MYH9: variants seen among roughly 807,000 people sequenced by gnomAD.
MYH9 encodes myosin-9.
A neutral mutation model predicts 241.9 loss-of-function variants in MYH9; 29 were observed. The ratio of observed to expected loss-of-function variants is 0.12; its 90% CI spans 0.09 to 0.16. MYH9 has a LOEUF of 0.16. MYH9 is among the 10% of genes least tolerant of loss of function. The pLI, the probability that MYH9 is intolerant of heterozygous loss-of-function variation, is 1.00. For missense variants in MYH9, 1,803 were observed against 2,595.5 expected (o/e 0.69, Z 6.63); for synonymous variants, 1,047 against 1,062.6 (o/e 0.99, Z 0.29).
Position 36,300,975 on chromosome 22 carries a change from C to A in MYH9, c.2714G>T (p.Arg905Leu). 7 of 1,611,686 alleles carry A rather than the reference C, an allele frequency of 4.3e-6. No homozygotes were observed. Among genetic ancestry groups the A allele is most frequent in the Non-Finnish European group, 5.1e-6 (6 of 1,180,008 alleles). ...TAATTCCTGCTTCTTGGCGGTCAGG[C>A]GGGCCCGGAGCTCCTCAGCCTCGGC... ...LCAEAEELRA[R>L]LTAKKQELEE... The change falls in exon 22 of 41, where the codon CGC (arginine) becomes CTC (leucine). Residue 905 changes from arginine to leucine, a missense_variant. Physicochemically the swap from Arg to Leu is moderately radical, Grantham distance 102. This residue lies in a region of MYH9 where 290 missense variants were observed against 360.5 expected (regional missense o/e 0.80). Transcript: ENST00000216181. This position sits in a 1 kb window ranked among gnomAD's most constrained non-coding sequence, Gnocchi z 5.0.
chr22:36,353,102 C>CGT (rs71323001), intron 1 of MYH9, among the ~76,000 whole-genome samples: 5,638 of 142,882 alleles, frequency 0.039, 152 homozygotes, highest in Non-Finnish European at 0.05. Flanking sequence ...CCTCTGGGGG[C>CGT]GTGTGTGTGT....
chr22:36,322,594 G>A (rs1248517320), intron 5 of MYH9, 73 bp from the exon 6 acceptor site: 3 of 1,451,258 alleles, frequency 2.1e-6, no homozygotes, highest in Non-Finnish European at 2.9e-6. Context: ...GCCTGGAAGG[G>A]GGACGATGGC....
chr22:36,372,599 G>GT (rs1201341010), intron 1 of MYH9, among the ~76,000 whole-genome samples: 1 of 152,014 alleles, frequency 6.6e-6, no homozygotes. Context: ...ATTAAGGACT[G>GT]TGACAGAGCT....
intron 3 of MYH9, among the ~76,000 whole-genome samples, chr22:36,328,581 G>C (rs1047001044): frequency 6.6e-6 from 1 of 152,218 alleles, no homozygotes; most frequent in Non-Finnish European, 1.5e-5. Context: ...TGCAGGATTA[G>C]TTTGAAAAAT....
chr22:36,284,014 T>C, intron 40 of MYH9, 79 bp downstream of exon 40: 4 of 1,565,466 alleles, frequency 2.6e-6, no homozygotes, highest in Non-Finnish European at 3.5e-6. Context: ...CGTGCCTTGC[T>C]TGTGGGCTCT....
intron 3 of MYH9, among the ~76,000 whole-genome samples, chr22:36,335,492 C>A (rs1473986217): frequency 6.6e-6 from 1 of 152,238 alleles, no homozygotes; most frequent in Non-Finnish European, 1.5e-5. Context: ...GCTCCTTCCT[C>A]AGCTGCCTGT....
chr22:36,299,120 C>A, intron 23 of MYH9, 78 bp from the exon 24 acceptor site: 2 of 1,587,518 alleles, frequency 1.3e-6, no homozygotes, highest in South Asian at 1.1e-5. Context: ...ATGACTCGCC[C>A]GGAAATCTGG....
At chr22:36,292,322 G>A (rs754199298) in intron 30 of MYH9, 88 bp from the exon 31 acceptor site, 19 of 1,563,988 alleles carry the variant, frequency 1.2e-5, no homozygotes, top group Non-Finnish European at 1.5e-5. Flanking sequence ...GAGCCTGCCT[G>A]CCACACCGTG....
chr22:36,313,582 G>A (rs570193773), intron 13 of MYH9, among the ~76,000 whole-genome samples: 5 of 151,788 alleles, frequency 3.3e-5, no homozygotes, highest in Non-Finnish European at 7.4e-5. Context: ...AGAGGTTTAA[G>A]TATGAACTCA....
At chr22:36,385,782 C>T (rs2018342273) in intron 1 of MYH9, among the ~76,000 whole-genome samples, 1 of 152,184 alleles carries the variant, frequency 6.6e-6, no homozygotes, top group African/African-American at 2.4e-5. Flanking sequence ...ACCCCACAGT[C>T]ATCCAGAGCG....
Position 36,286,759 on chromosome 22 carries a change from T to G in MYH9, c.5020A>C (p.Lys1674Gln), listed in dbSNP as rs751126110. ...ILAQAKENEK[K>Q]LKSMEAEMIQ... is the part of the protein sequence containing the mutation. ...ATCTCGGCCTCCATGCTCTTCAGCT[T>G]CTTCTCGTTCTCTTTGGCCTGGGCC... Residue 1674 changes from lysine (K) to glutamine (Q), a missense_variant, in exon 35 of 41, where the codon AAG (lysine) becomes CAG (glutamine). Coordinates refer to ENST00000216181, the MANE Select transcript of MYH9 (RefSeq NM_002473.6). 6.2e-7 allele frequency: 1 copy of G among 1,613,228 alleles called. No homozygotes were observed. Among genetic ancestry groups the G allele is most frequent in the Admixed American group, 1.7e-5 (1 of 60,026 alleles).
At position 36,319,326 on chromosome 22, in the gene MYH9, A is replaced by G. The variant is rs561698770; in HGVS notation, c.1108+214T>C. ...ATGAATAAGGGAAGCCCTGGTCCAC[A>G]TGATCACAAGTTTAAGTTATTCTGA... On this transcript the variant is annotated intron_variant, in intron 10 of 40. Coordinates refer to ENST00000216181, the MANE Select transcript of MYH9 (RefSeq NM_002473.6). Among the ~76,000 whole-genome samples the G allele has an allele frequency of 2.0e-5, 3 of 152,326 alleles. No individual in the cohort carries two copies. In the South Asian group the frequency reaches 6.2e-4, roughly 32 times the overall value.
At chr22:36,353,953 T>G (rs2017812458) in intron 1 of MYH9, among the ~76,000 whole-genome samples, 1 of 152,152 alleles carries the variant, frequency 6.6e-6, no homozygotes, top group Non-Finnish European at 1.5e-5. Flanking sequence ...CAGGCTAGAG[T>G]GCAATGGCAC....
chr22:36,380,636 G>A (rs967208091), intron 1 of MYH9, among the ~76,000 whole-genome samples: 2 of 152,148 alleles, frequency 1.3e-5, no homozygotes, highest in Admixed American at 6.6e-5. Context: ...AGCTACTCGG[G>A]AGGCTGAGGC....
At chr22:36,283,747 C>T (rs1016507263) in intron 40 of MYH9, among the ~76,000 whole-genome samples, 6 of 152,172 alleles carry the variant, frequency 3.9e-5, no homozygotes, top group South Asian at 2.1e-4. Flanking sequence ...CGCAAAGGAG[C>T]GTTTTTAACC....
chr22:36,349,320 G>T, intron 1 of MYH9, 65 bp from the exon 2 acceptor site: 1 of 1,196,380 alleles, frequency 8.4e-7, no homozygotes, highest in Non-Finnish European at 1.2e-6. Context: ...GATCACTCAT[G>T]CTCACACCTC....
chr22:36,335,949 T>C (rs1025310420), intron 3 of MYH9, among the ~76,000 whole-genome samples: 1 of 152,148 alleles, frequency 6.6e-6, no homozygotes, highest in Non-Finnish European at 1.5e-5. Flanking sequence ...CAGAAAAAGG[T>C]CAGACACCGA....
chr22:36,386,833 G>T (rs185249695), intron 1 of MYH9, among the ~76,000 whole-genome samples: 1 of 152,268 alleles, frequency 6.6e-6, no homozygotes, highest in African/African-American at 2.4e-5. Flanking sequence ...CCCAGAACAG[G>T]ATGGGGTGAG....
intron 1 of MYH9, among the ~76,000 whole-genome samples, chr22:36,367,831 C>G (rs2018033739): frequency 1.3e-5 from 2 of 152,250 alleles, no homozygotes; most frequent in African/African-American, 2.4e-5. Context: ...CAATGCCATC[C>G]TGCCCTGGAC....
Sources: allele counts gnomAD v4.1 joint callset (sites outside exome capture counted in the v4.1 genomes callset), GRCh38; gene constraint gnomAD v4.1.1; regional missense constraint gnomAD v4.1.1; non-coding constraint Gnocchi (gnomAD v3.1); transcripts MANE v1.5; gene names NCBI Gene and HGNC (gene_info 2026-07-23, HGNC 2026-07-21).